Variants in PANX1 observed in about 807,000 individuals in gnomAD.
The protein encoded by PANX1 is pannexin 1, also known as pannexin-1.
PANX1 carries 30 observed loss-of-function variants against 38.7 expected under a neutral mutation model. The observed-to-expected ratio is 0.78, with a 90% CI of 0.58 to 1.05. The LOEUF is 1.05. Ranked by LOEUF, PANX1 falls within the 50% of genes least tolerant of loss-of-function variation. The pLI is 0.00. For missense variants in PANX1, 551 were observed against 517.2 expected (o/e 1.07, Z -0.63); for synonymous variants, 230 against 212.2 (o/e 1.08, Z -0.73).
Position 94,129,391 on chromosome 11 carries a change from G to A in PANX1, c.79G>A (p.Gly27Arg), listed in dbSNP as rs779189300. 1 of 1,614,074 alleles carries A rather than the reference G, an allele frequency of 6.2e-7. No individual in the cohort carries two copies. Among genetic ancestry groups the A allele is most frequent in the South Asian group, 1.1e-5 (1 of 91,048 alleles). ...LKEPTEPKFK[G>R]LRLELAVDKM... ...GGAGCCCACGGAGCCCAAGTTCAAG[G>A]GGCTGCGACTGGAGCTGGCTGTGGA... The change falls in exon 1 of 5, where the codon GGG (glycine) becomes AGG (arginine). Residue 27 changes from glycine (G) to arginine (R), a missense_variant. Gly to Arg is a moderately radical substitution (Grantham distance 125). Coordinates refer to ENST00000227638, the MANE Select transcript of PANX1 (RefSeq NM_015368.4).
At chr11:94,179,550 T>C (rs1947278028) in intron 3 of PANX1, 52 bp from the exon 4 acceptor site, 12 of 1,353,128 alleles carry the variant, frequency 8.9e-6, no homozygotes, top group African/African-American at 2.9e-5. Context: ...GCCTTTAATA[T>C]TTGATGGTCT....
intron 3 of PANX1, among the ~76,000 whole-genome samples, chr11:94,179,239 C>T (rs1947273733): frequency 6.6e-6 from 1 of 152,082 alleles, no homozygotes; most frequent in African/African-American, 2.4e-5. Flanking sequence ...GGAACTGAAC[C>T]ATGCCCTTTA....
chr11:94,138,995 G>A (rs1162140221), intron 1 of PANX1, among the ~76,000 whole-genome samples: 1 of 152,058 alleles, frequency 6.6e-6, no homozygotes, highest in Non-Finnish European at 1.5e-5. Flanking sequence ...TTCTTTTGGT[G>A]CTATAAGTCA....
rs1462556937 is a variant in PANX1 at position 94,129,249 on chromosome 11, C to T, written c.-64C>T. ...CCCGGCCGGTGACTGGGTGAAGGCGCCGCGCAGCTTTCCCGACGCCGGCTG... is the reference window on the plus strand; with the variant it reads ...CCCGGCCGGTGACTGGGTGAAGGCGTCGCGCAGCTTTCCCGACGCCGGCTG... On this transcript the variant is annotated 5_prime_UTR_variant, in exon 1 of 5. Coordinates refer to ENST00000227638, the MANE Select transcript of PANX1 (RefSeq NM_015368.4). The T allele has an allele frequency of 8.3e-6, 12 of 1,446,548 alleles. No individual in the cohort carries two copies. Among genetic ancestry groups the T allele is most frequent in the African/African-American group, 1.4e-5 (1 of 70,584 alleles). 89.6% of individuals were successfully genotyped at this position (1,446,548 alleles called of 1,614,324 possible).
chr11:94,180,554 T>G (rs1405852491), intron 4 of PANX1, among the ~76,000 whole-genome samples: 2 of 152,228 alleles, frequency 1.3e-5, no homozygotes, highest in African/African-American at 4.8e-5. Flanking sequence ...TCCTTGTCTT[T>G]CTTGCTTATT....
intron 1 of PANX1, among the ~76,000 whole-genome samples, chr11:94,130,552 A>AAACAGCACTAAGTAAATATTAACC (rs60963116): frequency 6.6e-6 from 1 of 151,884 alleles, no homozygotes; most frequent in Non-Finnish European, 1.5e-5. Flanking sequence ...GACTGGTTGA[A>AAACAGCACTAAGTAAATATTAACC]TGATGGTGGC....
chr11:94,141,072 T>C (rs1946756490), intron 1 of PANX1, among the ~76,000 whole-genome samples: 1 of 152,204 alleles, frequency 6.6e-6, no homozygotes, highest in South Asian at 2.1e-4. Context: ...AACAACGTAG[T>C]ATCGTGAACA....
intron 2 of PANX1, among the ~76,000 whole-genome samples, chr11:94,171,389 C>T (rs1023104758): frequency 6.6e-6 from 1 of 151,720 alleles, no homozygotes; most frequent in Admixed American, 6.6e-5. Flanking sequence ...TTTATTAATT[C>T]TTTATCTCTT....
intron 2 of PANX1, among the ~76,000 whole-genome samples, chr11:94,156,476 G>C (rs920362604): frequency 6.6e-6 from 1 of 152,126 alleles, no homozygotes; most frequent in Non-Finnish European, 1.5e-5. Context: ...AACACTCCTT[G>C]GCATTTGGTT....
intron 1 of PANX1, among the ~76,000 whole-genome samples, chr11:94,142,019 CAG>C (rs2134481309): frequency 1.3e-5 from 2 of 152,282 alleles, no homozygotes; most frequent in South Asian, 4.1e-4. Context: ...CTGGGGCACA[CAG>C]AGTGGGGCTA....
intron 1 of PANX1, among the ~76,000 whole-genome samples, chr11:94,132,603 G>GGT (rs370452320): frequency 1.3e-5 from 2 of 151,784 alleles, no homozygotes; most frequent in Non-Finnish European, 2.9e-5. Flanking sequence ...TTGGGGGGGT[G>GGT]GTGTGTGTGT....
At chr11:94,170,062 T>C (rs1450310197) in intron 2 of PANX1, among the ~76,000 whole-genome samples, 2 of 151,820 alleles carry the variant, frequency 1.3e-5, no homozygotes, top group African/African-American at 2.4e-5. Context: ...TGATAAAATA[T>C]ACATAACATA....
At chr11:94,142,933 C>T (rs1181369252) in intron 1 of PANX1, among the ~76,000 whole-genome samples, 1 of 152,170 alleles carries the variant, frequency 6.6e-6, no homozygotes, top group Non-Finnish European at 1.5e-5. Context: ...GTGTGGATGT[C>T]CCTTTTCTTT....
rs1483943063 is a variant in PANX1 at position 94,153,621 on chromosome 11, G to A, written c.312G>A (p.Trp104Ter). ...GCGAGTCTGGAAACCTCCCACTGTG[G>A]CTGCATAAGGTAAAGGGAGACATTT... is the stretch of plus-strand genomic sequence containing the variant. ...LQSESGNLPL[W>*]LHKFFPYILL... is the part of the protein sequence containing the mutation. The change falls in exon 2 of 5, where the codon TGG (tryptophan) becomes TGA (stop). Residue 104 changes from tryptophan to a stop codon, truncating the protein, a stop_gained. Transcript: ENST00000227638. LOFTEE classifies it high-confidence loss of function. 1 of 1,613,572 alleles carries A rather than the reference G, an allele frequency of 6.2e-7. No homozygotes were observed. Among genetic ancestry groups the A allele is most frequent in the East Asian group, 2.2e-5 (1 of 44,878 alleles).
At chr11:94,153,110 G>A (rs896844590) in intron 1 of PANX1, among the ~76,000 whole-genome samples, 1 of 152,008 alleles carries the variant, frequency 6.6e-6, no homozygotes. Flanking sequence ...CCGCATTCAG[G>A]TGCCTCACTG....
intron 2 of PANX1, among the ~76,000 whole-genome samples, chr11:94,171,516 G>A (rs1947166869): frequency 1.3e-5 from 2 of 151,666 alleles, no homozygotes; most frequent in African/African-American, 4.9e-5. Flanking sequence ...AAGGGAAGAG[G>A]GCAGTGAGGT....
At chr11:94,175,849 T>G (rs894991843) in intron 2 of PANX1, 28 of 984,650 alleles carry the variant, frequency 2.8e-5, no homozygotes, top group Non-Finnish European at 3.4e-5. Flanking sequence ...TTGAAACACC[T>G]CATCCCGTGC....
intron 3 of PANX1, among the ~76,000 whole-genome samples, chr11:94,179,156 T>G (rs1947272573): frequency 6.6e-6 from 1 of 152,198 alleles, no homozygotes; most frequent in East Asian, 1.9e-4. Flanking sequence ...ACATTACTAG[T>G]GCATTTGTTA....
At position 94,181,045 on chromosome 11, in the gene PANX1, A is replaced by G; in HGVS notation, c.*176A>G. The G allele has an allele frequency of 3.4e-6, 2 of 590,850 alleles. No individual in the cohort carries two copies. The highest frequency in any genetic ancestry group is 5.6e-5 in the East Asian group (2 of 35,756). 36.6% of individuals were successfully genotyped at this position (590,850 alleles called of 1,614,324 possible). On this transcript the variant is annotated 3_prime_UTR_variant, in exon 5 of 5. Coordinates refer to ENST00000227638, the MANE Select transcript of PANX1 (RefSeq NM_015368.4). ...GTGATCAACAAAAGGTTATGGAAGA[A>G]TGGTTTATGAACTTCCCATAGGAAG...
Sources: gnomAD v4.1 joint callset for allele counts (sites outside exome capture counted in the v4.1 genomes callset) on GRCh38, gnomAD v4.1.1 for gene constraint, MANE v1.5 for transcripts, NCBI Gene and HGNC (gene_info 2026-07-23, HGNC 2026-07-21) for gene names.